The following ITGA6 variants were observed in gnomAD, a reference collection of about 807,000 sequenced individuals.
ITGA6 encodes the protein integrin subunit alpha 6, also known as integrin alpha-6.
ITGA6 carries 63 observed loss-of-function variants against 133.6 expected under a neutral mutation model. The observed-to-expected ratio is 0.47, with a 90% CI of 0.38 to 0.58. ITGA6 has a LOEUF of 0.58. ITGA6 is among the 20% of genes least tolerant of loss of function. The pLI is 0.00. For synonymous variants in ITGA6, 434 were observed against 482.0 expected, an observed-to-expected ratio of 0.90 and a Z score of 1.30; for missense variants, 1,068 against 1,309.4, an observed-to-expected ratio of 0.82 and a Z score of 2.85.
Position 172,465,509 on chromosome 2 carries a change from A to C in ITGA6, c.183-30A>C, listed in dbSNP as rs758649204. The C allele has an allele frequency of 2.5e-6, 4 of 1,613,574 alleles. No homozygotes were observed. In the Admixed American group the frequency reaches 6.7e-5, roughly 27 times the overall value. On this transcript the variant is annotated intron_variant, in intron 1 of 25. Transcript: ENST00000684293. ...ACTGTTAAACGTATATTAAATTCAA[A>C]TCTCCAAATTGTCTCTGTTTCATCA...
At chr2:172,443,206 TC>T (rs2149004755) in intron 1 of ITGA6, among the ~76,000 whole-genome samples, 1 of 152,338 alleles carries the variant, frequency 6.6e-6, no homozygotes, top group South Asian at 2.1e-4. Flanking sequence ...TGCACCTTGC[TC>T]TTTTTCTCTT....
chr2:172,452,440 T>TGAGATATA (rs1465950788), intron 1 of ITGA6, among the ~76,000 whole-genome samples: 2 of 152,044 alleles, frequency 1.3e-5, no homozygotes, highest in East Asian at 3.9e-4. Flanking sequence ...ATGCTTCAGC[T>TGAGATATA]GAGATATAGA....
intron 5 of ITGA6, 85 bp from the exon 6 acceptor site, chr2:172,473,970 G>A: frequency 1.1e-6 from 1 of 879,374 alleles, no homozygotes; most frequent in Non-Finnish European, 1.8e-6. Flanking sequence ...GAAGCCAGAG[G>A]AAGAGGTAAT....
chr2:172,454,544 C>G (rs999343225), intron 1 of ITGA6, among the ~76,000 whole-genome samples: 1 of 152,088 alleles, frequency 6.6e-6, no homozygotes. Context: ...ATACTTTTAC[C>G]TAAGCCATTG....
At position 172,498,013 on chromosome 2, in the gene ITGA6, G is replaced by C; in HGVS notation, c.3027G>C (p.Gln1009His). 6.2e-7 allele frequency: 1 copy of C among 1,613,874 alleles called. No individual in the cohort carries two copies. Among genetic ancestry groups the C allele is most frequent in the Non-Finnish European group, 8.5e-7 (1 of 1,179,812 alleles). ...TGTTTCCCTCAAAGACTGTAGCTCA[G>C]TATTCGGGAGTACCTTGGTGGATCA... ...VTVFPSKTVA[Q>H]YSGVPWWIIL... The change falls in exon 24 of 26, where the codon CAG becomes CAC. Residue 1009 changes from glutamine to histidine, a missense_variant. Gln to His is a conservative substitution (Grantham distance 24, BLOSUM62 0). This residue lies in a region of ITGA6 where 609 missense variants were observed against 707.2 expected (regional missense o/e 0.86). Transcript: ENST00000684293.
intron 23 of ITGA6, among the ~76,000 whole-genome samples, chr2:172,493,830 A>G (rs980707886): frequency 2.6e-5 from 4 of 152,200 alleles, no homozygotes; most frequent in African/African-American, 9.7e-5. Flanking sequence ...CTTCTGGAAG[A>G]TGATGGAACT....
At chr2:172,452,770 G>T (rs59979740) in intron 1 of ITGA6, among the ~76,000 whole-genome samples, 17,094 of 152,232 alleles carry the variant, frequency 0.11, 1,678 homozygotes, top group African/African-American at 0.26. Flanking sequence ...GTTTGTAACC[G>T]GGTAAGTTAC....
intron 1 of ITGA6, among the ~76,000 whole-genome samples, chr2:172,455,029 C>T (rs543771150): frequency 6.6e-6 from 1 of 152,284 alleles, no homozygotes; most frequent in Admixed American, 6.5e-5. Context: ...GGCAAGGAAA[C>T]AGATCCTCCC....
At position 172,427,764 on chromosome 2, in the gene ITGA6, C is replaced by A; in HGVS notation, c.-25C>A. The A allele has an allele frequency of 6.4e-7, 1 of 1,561,910 alleles. No homozygotes were observed. The highest frequency in any genetic ancestry group is 8.7e-7 in the Non-Finnish European group (1 of 1,155,710). Reference sequence around the variant, plus strand: ...GCGCAGGGCGGCCGCTGCAGGTCCCCGCTCCCCTCCCCGTGCGTCCGCCCA... The same window carrying A: ...GCGCAGGGCGGCCGCTGCAGGTCCCAGCTCCCCTCCCCGTGCGTCCGCCCA... On this transcript the variant is annotated 5_prime_UTR_variant, in exon 1 of 26. Coordinates refer to ENST00000684293, the MANE Select transcript of ITGA6 (RefSeq NM_000210.4).
chr2:172,485,856 T>G (rs1239915344), intron 13 of ITGA6, among the ~76,000 whole-genome samples: 2 of 152,144 alleles, frequency 1.3e-5, no homozygotes, highest in African/African-American at 4.8e-5. Flanking sequence ...ACAGCTTGAT[T>G]TGGCATTATG....
In ITGA6 at chr2:172,491,087, TTTTC is replaced by T. The variant is rs755902338; in HGVS notation, c.2747_2750del (p.Ser916TyrfsTer14). The T allele has an allele frequency of 6.3e-7, 1 of 1,588,496 alleles. No homozygotes were observed. Among genetic ancestry groups the T allele is most frequent in the Non-Finnish European group, 8.6e-7 (1 of 1,156,994 alleles). ...AAAACAGATAGATGATAACAGAAAA[TTTTC>T]TTTATTTGCTGAAAGAAAATACCAG... On this transcript the variant is annotated frameshift_variant, in exon 21 of 26. Coordinates refer to ENST00000684293, the MANE Select transcript of ITGA6 (RefSeq NM_000210.4). LOFTEE classifies it high-confidence loss of function. This position sits in a 1 kb window ranked among gnomAD's most constrained non-coding sequence, Gnocchi z 4.4.
At chr2:172,427,395 G>A (rs139999485), upstream of ITGA6, 3,267 of 1,016,268 alleles carry the variant, frequency 3.2e-3, 79 homozygotes, top group African/African-American at 0.047. Flanking sequence ...CTGCTTCGCC[G>A]CGAGCTCGCC....
At chr2:172,496,814 C>T (rs962445867) in intron 23 of ITGA6, among the ~76,000 whole-genome samples, 2 of 152,134 alleles carry the variant, frequency 1.3e-5, no homozygotes, top group African/African-American at 4.8e-5. Flanking sequence ...CATTCTAAAC[C>T]CATGTAACTG....
chr2:172,441,663 C>T (rs922451584), intron 1 of ITGA6, among the ~76,000 whole-genome samples: 1 of 148,660 alleles, frequency 6.7e-6, no homozygotes, highest in African/African-American at 2.5e-5. Flanking sequence ...TCTAGTAATA[C>T]CCAATGTTTT....
intron 7 of ITGA6, among the ~76,000 whole-genome samples, 157 bp from the exon 8 acceptor site, chr2:172,475,440 G>A (rs1574379661): frequency 6.6e-6 from 1 of 151,866 alleles, no homozygotes; most frequent in East Asian, 1.9e-4. Flanking sequence ...TCCAGCCTGG[G>A]CAACAGGAGC....
chr2:172,469,471 A>G, intron 4 of ITGA6, 91 bp downstream of exon 4: 1 of 1,174,460 alleles, frequency 8.5e-7, no homozygotes. Context: ...GTGTTAGAAG[A>G]CATTCGTATA....
At position 172,499,624 on chromosome 2, in the gene ITGA6, ATTG is replaced by A. The variant is rs542274645; in HGVS notation, c.3114+1529_3114+1531del. Among the ~76,000 whole-genome samples, 729 of 152,298 alleles carry A rather than the reference ATTG, an allele frequency of 4.8e-3. 3 individuals are homozygous for A. Among genetic ancestry groups the A allele is most frequent in the African/African-American group, 0.017 (687 of 41,570 alleles). ...CAATCCTCCTGCCTTGGCCTTCCAA[ATTG>A]TTGTAATTACAGATGTGAGCCATTG... On this transcript the variant is annotated intron_variant, in intron 24 of 25. Coordinates refer to ENST00000684293, the MANE Select transcript of ITGA6 (RefSeq NM_000210.4).
intron 19 of ITGA6, among the ~76,000 whole-genome samples, chr2:172,488,955 C>G (rs1296282986): frequency 4.6e-5 from 7 of 152,192 alleles, no homozygotes; most frequent in Admixed American, 4.6e-4. Flanking sequence ...GCTCTTACCT[C>G]CTGTGTTTGG....
intron 9 of ITGA6, 128 bp from the exon 10 acceptor site, chr2:172,479,513 T>C: frequency 1.3e-6 from 1 of 788,718 alleles, no homozygotes; most frequent in Non-Finnish European, 2.3e-6. Flanking sequence ...GGGGAAAACG[T>C]CACGTGTATT....
Sources: gnomAD v4.1 joint callset for allele counts (sites outside exome capture counted in the v4.1 genomes callset) on GRCh38, gnomAD v4.1.1 for gene constraint, gnomAD v4.1.1 regional missense constraint, Gnocchi (gnomAD v3.1) non-coding constraint, MANE v1.5 for transcripts, NCBI Gene and HGNC (gene_info 2026-07-23, HGNC 2026-07-21) for gene names.